CEP70: variants seen among roughly 807,000 people sequenced by gnomAD.
CEP70 encodes the protein centrosomal protein of 70 kDa.
In CEP70, 70 loss-of-function variants were observed where a neutral mutation model predicts 90.9. The observed-to-expected ratio is 0.77, with a 90% CI of 0.64 to 0.94. The LOEUF (loss-of-function observed/expected upper bound fraction) is 0.94, where lower values mean the gene tolerates loss of function less well. Among genes scored for constraint, CEP70 ranks in the 40% least tolerant of loss-of-function variants. The pLI, the probability that CEP70 is intolerant of heterozygous loss-of-function variation, is 0.00. For synonymous variants in CEP70, 220 were observed against 228.3 expected (o/e 0.96, Z 0.33); for missense variants, 648 against 669.0 (o/e 0.97, Z 0.35).
In CEP70 at chr3:138,576,223, C is replaced by T. The variant is rs529466633; in HGVS notation, c.-5-3291G>A. The stretch of plus-strand genomic sequence containing the variant: ...AGGAGACCCATCTCATGTGCAGAGA[C>T]ACACATAGGCTCAAAATAAAGGGAT... On this transcript the variant is annotated intron_variant, in intron 2 of 17. Transcript: ENST00000264982. Among the ~76,000 whole-genome samples the T allele has an allele frequency of 5.9e-5, 9 of 152,160 alleles. No homozygotes were observed. The East Asian group carries it at 1.2e-3, about 20-fold the overall frequency.
chr3:138,562,404 T>C (rs1448283192), intron 6 of CEP70, among the ~76,000 whole-genome samples: 2 of 151,998 alleles, frequency 1.3e-5, no homozygotes, highest in Admixed American at 6.6e-5. Context: ...AGACACGTGA[T>C]TGTCAGATTC....
chr3:138,582,479 T>A (rs1454002078), intron 2 of CEP70, among the ~76,000 whole-genome samples: 5 of 144,326 alleles, frequency 3.5e-5, no homozygotes, highest in Admixed American at 2.8e-4. Flanking sequence ...CTCAAAAAAT[T>A]AAAAAATAAA....
chr3:138,554,187 T>A (rs2039830802), intron 6 of CEP70, among the ~76,000 whole-genome samples: 1 of 145,550 alleles, frequency 6.9e-6, no homozygotes. Context: ...GACAACAGAG[T>A]GAGACTCCAT....
At chr3:138,522,425 G>A (rs1412299124) in intron 11 of CEP70, among the ~76,000 whole-genome samples, 36 of 147,764 alleles carry the variant, frequency 2.4e-4, no homozygotes, top group Admixed American at 4.1e-4. Context: ...AAAAATCAAT[G>A]AATCCAGGAG....
intron 17 of CEP70, chr3:138,497,242 CTTA>C: frequency 8.0e-7 from 1 of 1,257,566 alleles, no homozygotes; most frequent in Non-Finnish European, 1.0e-6. Context: ...ACTTCTTTCA[CTTA>C]TTCTTCTTAT....
chr3:138,591,998 T>G, intron 1 of CEP70, 42 bp from the exon 2 acceptor site: 1 of 659,542 alleles, frequency 1.5e-6, no homozygotes, highest in Non-Finnish European at 2.5e-6. Flanking sequence ...CTTGAAATGT[T>G]CAACCTCCTA....
intron 2 of CEP70, among the ~76,000 whole-genome samples, chr3:138,584,822 T>C (rs534626557): frequency 1.3e-5 from 2 of 151,938 alleles, no homozygotes; most frequent in East Asian, 3.9e-4. Flanking sequence ...AAGCCATGTA[T>C]GACAGACCCA....
chr3:138,528,975 G>A (rs769364861), intron 10 of CEP70, among the ~76,000 whole-genome samples: 2 of 152,132 alleles, frequency 1.3e-5, no homozygotes, highest in African/African-American at 4.8e-5. Flanking sequence ...CTGGGTGACA[G>A]AGTAAGACTC....
At chr3:138,576,196 T>C (rs1357533400) in intron 2 of CEP70, among the ~76,000 whole-genome samples, 3 of 152,120 alleles carry the variant, frequency 2.0e-5, no homozygotes, top group African/African-American at 7.2e-5. Context: ...TGTGCTGTAT[T>C]CAGGAGACCC....
chr3:138,570,594 T>A, intron 5 of CEP70, 96 bp from the exon 6 acceptor site: 1 of 915,916 alleles, frequency 1.1e-6, no homozygotes, highest in South Asian at 1.6e-5. Flanking sequence ...TTCTAAAGTT[T>A]CTTTGCATTC....
At chr3:138,581,153 C>T (rs1309393936) in intron 2 of CEP70, among the ~76,000 whole-genome samples, 20 of 151,874 alleles carry the variant, frequency 1.3e-4, no homozygotes, top group Admixed American at 1.1e-3. Flanking sequence ...GGCATGGTGG[C>T]GTGTGCCAGT....
chr3:138,504,014 C>T (rs1244309824), intron 13 of CEP70, among the ~76,000 whole-genome samples: 1 of 152,148 alleles, frequency 6.6e-6, no homozygotes, highest in Non-Finnish European at 1.5e-5. Flanking sequence ...TGATTCTTCC[C>T]TTTGTCTTCT....
At chr3:138,546,518 G>T (rs1355818536) in intron 6 of CEP70, among the ~76,000 whole-genome samples, 2 of 152,104 alleles carry the variant, frequency 1.3e-5, no homozygotes, top group African/African-American at 2.4e-5. Context: ...GGAGGCCAAG[G>T]TGGGCAGATC....
intron 2 of CEP70, among the ~76,000 whole-genome samples, chr3:138,588,693 T>C (rs1403313237): frequency 2.0e-5 from 3 of 152,232 alleles, no homozygotes; most frequent in African/African-American, 7.2e-5. Flanking sequence ...AAAAGGTTAA[T>C]AAGCACTTAC....
At chr3:138,557,150 T>A (rs1248311581) in intron 6 of CEP70, among the ~76,000 whole-genome samples, 1 of 152,206 alleles carries the variant, frequency 6.6e-6, no homozygotes, top group Non-Finnish European at 1.5e-5. Context: ...AATTCAGTGA[T>A]ATTTCTCCCA....
At chr3:138,522,152 C>T (rs1576626779) in intron 11 of CEP70, among the ~76,000 whole-genome samples, 2 of 152,168 alleles carry the variant, frequency 1.3e-5, no homozygotes, top group East Asian at 1.9e-4. Context: ...TGCGGAAGGC[C>T]GCAGGGTCCT....
At chr3:138,576,319 A>G (rs2041520558) in intron 2 of CEP70, among the ~76,000 whole-genome samples, 1 of 152,226 alleles carries the variant, frequency 6.6e-6, no homozygotes, top group African/African-American at 2.4e-5. Flanking sequence ...CTGATAAAAC[A>G]GACTTTAAAC....
intron 16 of CEP70, among the ~76,000 whole-genome samples, chr3:138,498,364 G>A (rs2034141715): frequency 7.0e-6 from 1 of 142,684 alleles, no homozygotes; most frequent in Non-Finnish European, 1.5e-5. Context: ...TTGAGACAGA[G>A]TCTTGCTCTG....
intron 6 of CEP70, among the ~76,000 whole-genome samples, chr3:138,567,110 C>A (rs1325464985): frequency 6.6e-6 from 1 of 152,076 alleles, no homozygotes; most frequent in Non-Finnish European, 1.5e-5. Flanking sequence ...ATGAAAAAAA[C>A]TGAATATCAA....
Sources: allele counts gnomAD v4.1 joint callset (sites outside exome capture counted in the v4.1 genomes callset), GRCh38; gene constraint gnomAD v4.1.1; transcripts MANE v1.5; gene names NCBI Gene and HGNC (gene_info 2026-07-23, HGNC 2026-07-21).